Variants in HMGCLL1 observed in about 807,000 individuals in gnomAD.
The protein encoded by HMGCLL1 is 3-hydroxy-3-methylglutaryl-CoA lyase like 1, also known as 3-hydroxymethyl-3-methylglutaryl-CoA lyase, cytoplasmic.
HMGCLL1 carries 36 observed loss-of-function variants against 39.1 expected under a neutral mutation model. The observed-to-expected ratio is 0.92, with a 90% confidence interval of 0.71 to 1.22. The LOEUF (loss-of-function observed/expected upper bound fraction) is 1.22. HMGCLL1 is among the 50% of genes most tolerant of loss of function. The pLI, the probability that HMGCLL1 is intolerant of heterozygous loss-of-function variation, is 0.00. For synonymous variants in HMGCLL1, 149 were observed against 144.0 expected, an observed-to-expected ratio of 1.03 and a Z score of -0.25; for missense variants, 451 against 416.5, an observed-to-expected ratio of 1.08 and a Z score of -0.72.
At chr6:55,533,816 G>A (rs1265986283) in intron 3 of HMGCLL1, among the ~76,000 whole-genome samples, 3 of 142,654 alleles carry the variant, frequency 2.1e-5, no homozygotes, top group African/African-American at 7.7e-5. Context: ...AACCCGGGAG[G>A]CGGAGCTTGC....
intron 1 of HMGCLL1, chr6:55,577,276 G>T (rs1771807129): frequency 5.0e-6 from 7 of 1,389,118 alleles, no homozygotes; most frequent in Non-Finnish European, 5.8e-6. Flanking sequence ...AACTAAAACA[G>T]AATTATTTTT....
the HMGCLL1 span, among the ~76,000 whole-genome samples, chr6:55,642,042 A>C: frequency 8.2e-6 from 1 of 122,078 alleles, no homozygotes; most frequent in African/African-American, 3.0e-5. Context: ...ATATCTCCCA[A>C]TGCTATCCCT....
the HMGCLL1 span, among the ~76,000 whole-genome samples, chr6:55,652,438 A>T: frequency 6.6e-6 from 1 of 152,100 alleles, no homozygotes; most frequent in Non-Finnish European, 1.5e-5. Flanking sequence ...AAATTTAGAC[A>T]CTTTAGTTCA....
intron 3 of HMGCLL1, among the ~76,000 whole-genome samples, chr6:55,520,210 A>G (rs925787529): frequency 1.4e-4 from 21 of 151,092 alleles, no homozygotes; most frequent in Admixed American, 4.6e-4. Context: ...AACAAACTGC[A>G]TATTCTGCAC....
intron 7 of HMGCLL1, among the ~76,000 whole-genome samples, chr6:55,475,757 T>C (rs1014675941): frequency 2.6e-5 from 4 of 151,700 alleles, no homozygotes; most frequent in African/African-American, 7.2e-5. Flanking sequence ...TTTACTTCTA[T>C]AGTTAGACTT....
intron 7 of HMGCLL1, among the ~76,000 whole-genome samples, chr6:55,466,688 A>G (rs1764810861): frequency 6.6e-6 from 1 of 152,040 alleles, no homozygotes; most frequent in African/African-American, 2.4e-5. Context: ...ACTCCTCTGT[A>G]CTATGCACAC....
chr6:55,601,116 C>A, the HMGCLL1 span, among the ~76,000 whole-genome samples: 3 of 152,032 alleles, frequency 2.0e-5, no homozygotes, highest in African/African-American at 4.8e-5. Context: ...ATATAGCAAT[C>A]CTGATTGCCA....
At position 55,435,374 on chromosome 6, in the gene HMGCLL1, C is replaced by A; in HGVS notation, c.*288G>T. 1 of 242,228 alleles carries A rather than the reference C, an allele frequency of 4.1e-6. No homozygotes were observed. Among genetic ancestry groups the A allele is most frequent in the Non-Finnish European group, 8.1e-6 (1 of 123,956 alleles). The allele number at this position is 242,228 out of a possible 1,614,324, so 15.0% of individuals were successfully genotyped here. On this transcript the variant is annotated 3_prime_UTR_variant, in exon 9 of 9. Transcript: ENST00000274901. ...TTGGGGAAATACGAAGTCAATTTTCCCATCTACTAAATTAAAAAGTTATTT... is the reference window on the plus strand; with the variant it reads ...TTGGGGAAATACGAAGTCAATTTTCACATCTACTAAATTAAAAAGTTATTT...
At chr6:55,637,983 C>T in the HMGCLL1 span, among the ~76,000 whole-genome samples, 1 of 152,060 alleles carries the variant, frequency 6.6e-6, no homozygotes, top group African/African-American at 2.4e-5. Flanking sequence ...GTTGAAACTA[C>T]AAAACTCACT....
chr6:55,638,142 C>G, the HMGCLL1 span, among the ~76,000 whole-genome samples: 1 of 151,766 alleles, frequency 6.6e-6, no homozygotes, highest in Non-Finnish European at 1.5e-5. Flanking sequence ...TATAGCTGGG[C>G]GTGGTGTAAT....
chr6:55,545,770 T>C (rs1186135421), intron 1 of HMGCLL1, among the ~76,000 whole-genome samples: 1 of 152,112 alleles, frequency 6.6e-6, no homozygotes, highest in Non-Finnish European at 1.5e-5. Context: ...CTACTAGGCA[T>C]TGTTTGTGCA....
At chr6:55,582,109 T>C (rs1771995838), upstream of HMGCLL1, among the ~76,000 whole-genome samples, 1 of 152,092 alleles carries the variant, frequency 6.6e-6, no homozygotes, top group Non-Finnish European at 1.5e-5. Context: ...CATAATGCAG[T>C]GGGGAAGGGC....
At chr6:55,608,080 GCC>G in the HMGCLL1 span, among the ~76,000 whole-genome samples, 2 of 151,980 alleles carry the variant, frequency 1.3e-5, no homozygotes, top group African/African-American at 4.8e-5. Flanking sequence ...ACATTAATTT[GCC>G]TCTTATATTA....
intron 3 of HMGCLL1, 122 bp downstream of exon 3, chr6:55,541,607 G>T: frequency 1.7e-6 from 1 of 605,710 alleles, no homozygotes; most frequent in Non-Finnish European, 2.9e-6. Flanking sequence ...CAGTCCACAG[G>T]TTAATATTTT....
chr6:55,644,476 C>T, the HMGCLL1 span, among the ~76,000 whole-genome samples: 1 of 152,000 alleles, frequency 6.6e-6, no homozygotes, highest in Non-Finnish European at 1.5e-5. Flanking sequence ...TTTGCTCAGA[C>T]TAACGTCCTG....
At chr6:55,633,452 T>A in the HMGCLL1 span, among the ~76,000 whole-genome samples, 1 of 151,500 alleles carries the variant, frequency 6.6e-6, no homozygotes, top group Non-Finnish European at 1.5e-5. Flanking sequence ...AACATTGAAA[T>A]GAGAATAGTG....
the HMGCLL1 span, among the ~76,000 whole-genome samples, chr6:55,649,376 T>G: frequency 2.8e-4 from 31 of 111,314 alleles, no homozygotes; most frequent in East Asian, 7.5e-3. Flanking sequence ...GGTAAAAGGT[T>G]TTTTTTTTTT....
chr6:55,492,460 T>C (rs144957195), intron 7 of HMGCLL1, among the ~76,000 whole-genome samples: 2,192 of 152,344 alleles, frequency 0.014, 30 homozygotes, highest in Non-Finnish European at 0.024. Context: ...TGCAGTGACA[T>C]TCCAGTACCA....
At chr6:55,607,342 G>A in the HMGCLL1 span, among the ~76,000 whole-genome samples, 1 of 152,160 alleles carries the variant, frequency 6.6e-6, no homozygotes, top group African/African-American at 2.4e-5. Flanking sequence ...AATATTTATA[G>A]GAGAATGCTT....
Sources: gnomAD v4.1 joint callset for allele counts (sites outside exome capture counted in the v4.1 genomes callset) on GRCh38, gnomAD v4.1.1 for gene constraint, MANE v1.5 for transcripts, NCBI Gene and HGNC (gene_info 2026-07-23, HGNC 2026-07-21) for gene names.